CORO1C: variants seen among roughly 807,000 people sequenced by gnomAD.
CORO1C encodes coronin-1C.
CORO1C carries 14 observed loss-of-function variants against 51.2 expected under a neutral mutation model. The observed-to-expected ratio is 0.27, with a 90% CI of 0.18 to 0.43. CORO1C has a LOEUF of 0.43. Among genes scored for constraint, CORO1C ranks in the 20% least tolerant of loss-of-function variants. CORO1C has a pLI of 1.00. For missense variants in CORO1C, 417 were observed against 607.8 expected (o/e 0.69, Z 3.30); for synonymous variants, 181 against 210.5 (o/e 0.86, Z 1.21).
rs538159863 is a variant in CORO1C at position 108,688,688 on chromosome 12, T to C, written c.196-10294A>G. Among the ~76,000 whole-genome samples, 34 of 151,508 alleles carry C rather than the reference T, an allele frequency of 2.2e-4. 2 individuals are homozygous for C. In the South Asian group the frequency reaches 7.1e-3, roughly 32 times the overall value. On this transcript the variant is annotated intron_variant, in intron 2 of 10. Coordinates refer to ENST00000261401, the MANE Select transcript of CORO1C (RefSeq NM_014325.4). ...TTGAGAGGCCGAGGCAGGTGGATCA[T>C]CTGAGGTCAGGAGTTCAAGACCAGC...
intron 2 of CORO1C, among the ~76,000 whole-genome samples, chr12:108,684,394 G>A (rs2136841077): frequency 6.6e-6 from 1 of 152,236 alleles, no homozygotes; most frequent in South Asian, 2.1e-4. Flanking sequence ...TAGAGGTGAG[G>A]AAGTCCAGCC....
chr12:108,671,681 T>G (rs1861638), intron 3 of CORO1C, among the ~76,000 whole-genome samples: 8,682 of 152,224 alleles, frequency 0.057, 510 homozygotes, highest in East Asian at 0.32. Context: ...TAATCTGACT[T>G]TGACAGCAAC....
rs61278729 is a variant in CORO1C, at chr12:108,716,127, C to CAAAAA, written c.-5-14809_-5-14805dup. 1.6e-3 allele frequency among the ~76,000 whole-genome samples: 65 copies of CAAAAA among 41,100 alleles called. 1 individual carries two copies. Among genetic ancestry groups the CAAAAA allele is most frequent in the Non-Finnish European group, 2.1e-3 (55 of 25,804 alleles). 27.0% of individuals were successfully genotyped at this position (41,100 alleles called of 152,430 possible). On this transcript the variant is annotated intron_variant, in intron 1 of 10. Coordinates refer to ENST00000261401, the MANE Select transcript of CORO1C (RefSeq NM_014325.4). ...TTGGCAATAGAACGAGACTCTGTCGCAAAAAAAAAAAAAAAAAAAAAAAAA... is the reference window on the plus strand; with the variant it reads ...TTGGCAATAGAACGAGACTCTGTCGCAAAAAAAAAAAAAAAAAAAAAAAAAAAAAA...
intron 2 of CORO1C, among the ~76,000 whole-genome samples, chr12:108,694,419 G>A (rs1022436898): frequency 9.9e-5 from 15 of 151,676 alleles, no homozygotes; most frequent in African/African-American, 2.7e-4. Flanking sequence ...TTAAGCAATA[G>A]TTAGCTCTTT....
chr12:108,656,684 C>G (rs2033033786), intron 6 of CORO1C, among the ~76,000 whole-genome samples: 1 of 152,212 alleles, frequency 6.6e-6, no homozygotes, highest in Non-Finnish European at 1.5e-5. Context: ...ACATGGGAGA[C>G]TTCATTTTGC....
chr12:108,720,261 C>T (rs190016219), intron 1 of CORO1C, among the ~76,000 whole-genome samples: 56 of 152,216 alleles, frequency 3.7e-4, no homozygotes, highest in African/African-American at 1.2e-3. Context: ...CATAAGAAAC[C>T]CATGCTGCCA....
At chr12:108,730,001 A>G (rs1311622602) in intron 1 of CORO1C, 1 of 152,236 alleles carries the variant, frequency 6.6e-6, no homozygotes, top group African/African-American at 2.4e-5. Flanking sequence ...CCAGGCAGAA[A>G]GGCTGCGGTA....
chr12:108,708,052 G>A (rs1427055223), intron 1 of CORO1C, among the ~76,000 whole-genome samples: 1 of 152,150 alleles, frequency 6.6e-6, no homozygotes, highest in Non-Finnish European at 1.5e-5. Context: ...TGTTGCAGCT[G>A]ATGTGGAAAA....
intron 1 of CORO1C, among the ~76,000 whole-genome samples, chr12:108,706,864 G>A (rs2035046224): frequency 1.3e-5 from 2 of 152,190 alleles, no homozygotes; most frequent in African/African-American, 4.8e-5. Context: ...GATTACAGGT[G>A]TGAGCTACCA....
chr12:108,730,787 C>G (rs1477181717), intron 1 of CORO1C: 1 of 153,698 alleles, frequency 6.5e-6, no homozygotes, highest in Non-Finnish European at 1.4e-5. Context: ...AGCTCCAGCT[C>G]TGCCCCGCCC....
rs549440686 is a variant in CORO1C, at chr12:108,709,285, A to C, written c.-5-7962T>G. ...TAACAAATGTTGGCAATTATTATTT[A>C]AGAGCCCAGTAATAGCTTTTCCCTA... On this transcript the variant is annotated intron_variant, in intron 1 of 10. Coordinates refer to ENST00000261401, the MANE Select transcript of CORO1C (RefSeq NM_014325.4). Among the ~76,000 whole-genome samples, 12 of 152,328 alleles carry C rather than the reference A, an allele frequency of 7.9e-5. No individual in the cohort carries two copies. In the South Asian group the frequency reaches 2.3e-3, roughly 29 times the overall value.
chr12:108,687,924 C>CTT (rs200001763), intron 2 of CORO1C, among the ~76,000 whole-genome samples: 4,508 of 143,890 alleles, frequency 0.031, 222 homozygotes, highest in African/African-American at 0.11. Flanking sequence ...CCCTCTGACC[C>CTT]TTTTTTTTTT....
intron 1 of CORO1C, among the ~76,000 whole-genome samples, chr12:108,726,654 TA>T (rs751404095): frequency 6.3e-3 from 759 of 119,682 alleles, no homozygotes; most frequent in African/African-American, 7.2e-3. Flanking sequence ...TACAAAACAT[TA>T]AAAAAAAAAA....
intron 1 of CORO1C, among the ~76,000 whole-genome samples, chr12:108,704,651 C>T (rs761404466): frequency 1.4e-4 from 22 of 152,308 alleles, no homozygotes; most frequent in Middle Eastern, 3.4e-3. Flanking sequence ...CATCTCTAAG[C>T]GGAGCTTGAA....
intron 2 of CORO1C, among the ~76,000 whole-genome samples, chr12:108,697,378 C>T (rs2034722035): frequency 6.6e-6 from 1 of 152,176 alleles, no homozygotes; most frequent in African/African-American, 2.4e-5. Context: ...AAGCCATACC[C>T]ATCTTTTAAG....
chr12:108,665,624 C>T (rs1384445445), intron 3 of CORO1C, among the ~76,000 whole-genome samples: 1 of 152,188 alleles, frequency 6.6e-6, no homozygotes, highest in African/African-American at 2.4e-5. Flanking sequence ...GGGCCACTAC[C>T]TGTGATGATC....
chr12:108,698,753 C>G (rs991250452), intron 2 of CORO1C, among the ~76,000 whole-genome samples: 1 of 152,202 alleles, frequency 6.6e-6, no homozygotes, highest in African/African-American at 2.4e-5. Flanking sequence ...GAGAGAGAAA[C>G]AGAGGAGCGG....
chr12:108,677,629 G>A (rs1250659872), intron 3 of CORO1C, among the ~76,000 whole-genome samples: 29 of 152,168 alleles, frequency 1.9e-4, no homozygotes, highest in Non-Finnish European at 3.8e-4. Context: ...CTTTTGGGGC[G>A]AGGGGAAATT....
At chr12:108,728,125 C>T (rs2035633189) in intron 1 of CORO1C, among the ~76,000 whole-genome samples, 1 of 152,134 alleles carries the variant, frequency 6.6e-6, no homozygotes, top group South Asian at 2.1e-4. Flanking sequence ...GGTGCAGCTG[C>T]TTTGGAGAAG....
Sources: allele counts gnomAD v4.1 joint callset (sites outside exome capture counted in the v4.1 genomes callset), GRCh38; gene constraint gnomAD v4.1.1; transcripts MANE v1.5; gene names NCBI Gene and HGNC (gene_info 2026-07-23, HGNC 2026-07-21).